The following INPP4B variants were observed in gnomAD, a reference collection of about 807,000 sequenced individuals.
The protein encoded by INPP4B is inositol polyphosphate-4-phosphatase type II B, also known as inositol polyphosphate 4-phosphatase type II.
In INPP4B, 55 loss-of-function variants were observed where a neutral mutation model predicts 122.5. The observed-to-expected ratio is 0.45, with a 90% CI of 0.36 to 0.56. The LOEUF is 0.56. Among genes scored for constraint, INPP4B ranks in the 20% least tolerant of loss-of-function variants. The probability of loss-of-function intolerance (pLI) is 0.00; values close to 1 mark genes in which losing one functional copy is unlikely to be tolerated. For synonymous variants in INPP4B, 403 were observed against 388.7 expected, an observed-to-expected ratio of 1.04 and a Z score of -0.43; for missense variants, 1,000 against 1,097.7, an observed-to-expected ratio of 0.91 and a Z score of 1.26.
chr4:142,383,840 T>C, intron 7 of INPP4B: 2 of 469,342 alleles, frequency 4.3e-6, no homozygotes, highest in South Asian at 9.0e-5. Context: ...ACTTTATTTA[T>C]GATGTTTTGT....
Position 142,265,542 on chromosome 4 carries a change from C to T in INPP4B, c.616-4978G>A, listed in dbSNP as rs77384079. Among the ~76,000 whole-genome samples the T allele has an allele frequency of 5.3e-3, 804 of 152,274 alleles. 8 individuals are homozygous for T. The highest frequency in any genetic ancestry group is 0.019 in the African/African-American group (770 of 41,552). ...GTGATTCTAACCACACTTTGAAAAA[C>T]GCTGAGATAAAGTTATTTACACAAT... On this transcript the variant is annotated intron_variant, in intron 10 of 25. Coordinates refer to ENST00000262992, the MANE Select transcript of INPP4B (RefSeq NM_001101669.3).
intron 7 of INPP4B, among the ~76,000 whole-genome samples, chr4:142,384,509 A>G (rs868803910): frequency 6.6e-6 from 1 of 151,928 alleles, no homozygotes; most frequent in South Asian, 2.1e-4. Flanking sequence ...AAGTATTTGT[A>G]TATCTAAACA....
At chr4:142,631,151 T>C (rs1410010891) in intron 2 of INPP4B, among the ~76,000 whole-genome samples, 1 of 152,064 alleles carries the variant, frequency 6.6e-6, no homozygotes, top group Non-Finnish European at 1.5e-5. Flanking sequence ...TAATATGACC[T>C]CCAGATACCA....
At chr4:142,413,967 T>C (rs988177478) in intron 5 of INPP4B, among the ~76,000 whole-genome samples, 1 of 152,112 alleles carries the variant, frequency 6.6e-6, no homozygotes, top group East Asian at 1.9e-4. Flanking sequence ...TCTAATACCA[T>C]GGGGAGAAAA....
At chr4:142,692,848 G>C (rs1274503279) in intron 2 of INPP4B, among the ~76,000 whole-genome samples, 1 of 151,748 alleles carries the variant, frequency 6.6e-6, no homozygotes. Context: ...AGAGGTTTGA[G>C]AGGATTTTTT....
chr4:142,180,256 T>G (rs2152974248), intron 15 of INPP4B, among the ~76,000 whole-genome samples: 1 of 152,212 alleles, frequency 6.6e-6, no homozygotes, highest in South Asian at 2.1e-4. Context: ...TAAATTTCTT[T>G]TAGAAAAAAC....
At chr4:142,353,001 G>C (rs1434172766) in intron 7 of INPP4B, among the ~76,000 whole-genome samples, 2 of 151,830 alleles carry the variant, frequency 1.3e-5, no homozygotes, top group South Asian at 2.1e-4. Flanking sequence ...CTTGACTTTA[G>C]AGATTATCTG....
chr4:142,299,169 T>TG (rs71250020), intron 9 of INPP4B, among the ~76,000 whole-genome samples: 3 of 145,716 alleles, frequency 2.1e-5, no homozygotes, highest in Non-Finnish European at 4.5e-5. Flanking sequence ...TTTTTTTTTT[T>TG]GGGGGGGAGA....
chr4:142,427,838 G>C (rs1808438065), intron 5 of INPP4B, among the ~76,000 whole-genome samples: 1 of 151,958 alleles, frequency 6.6e-6, no homozygotes, highest in Non-Finnish European at 1.5e-5. Context: ...AGCTCAAGTT[G>C]TACGAGTGAA....
Position 142,431,153 on chromosome 4 carries a change from A to T in INPP4B, c.91+16T>A. The T allele has an allele frequency of 6.3e-7, 1 of 1,596,686 alleles. No individual in the cohort carries two copies. The highest frequency in any genetic ancestry group is 1.3e-5 in the African/African-American group (1 of 74,620). ...TCTTTAGATGCAAAAACAGGGAGGG[A>T]TACACACATACTTACTTGTGAACTG... On this transcript the variant is annotated intron_variant, in intron 4 of 25. Transcript: ENST00000262992.
chr4:142,633,025 A>G (rs753753303), intron 2 of INPP4B, among the ~76,000 whole-genome samples: 3 of 151,970 alleles, frequency 2.0e-5, no homozygotes, highest in Non-Finnish European at 4.4e-5. Context: ...CTATATGGAC[A>G]AAGAAAAGTT....
intron 25 of INPP4B, 139 bp from the exon 26 acceptor site, chr4:142,029,053 A>T: frequency 7.1e-7 from 1 of 1,409,956 alleles, no homozygotes; most frequent in Non-Finnish European, 9.2e-7. Context: ...TCCACAAGTG[A>T]TGATACATCT....
At chr4:142,109,465 A>T (rs79910216) in intron 22 of INPP4B, among the ~76,000 whole-genome samples, 1 of 152,156 alleles carries the variant, frequency 6.6e-6, no homozygotes, top group Non-Finnish European at 1.5e-5. Context: ...GATGTCTTAT[A>T]GTCTCCCTAG....
chr4:142,305,729 G>A (rs758267543), intron 8 of INPP4B, 192 bp from the exon 9 acceptor site: 1 of 1,412,334 alleles, frequency 7.1e-7, no homozygotes, highest in Non-Finnish European at 9.3e-7. Flanking sequence ...GGGTGAAAAT[G>A]TATCATTTTC....
At chr4:142,323,987 T>C (rs1771340564) in intron 7 of INPP4B, among the ~76,000 whole-genome samples, 1 of 152,146 alleles carries the variant, frequency 6.6e-6, no homozygotes, top group African/African-American at 2.4e-5. Flanking sequence ...TACTCCCAAG[T>C]AGCTCAGAAC....
chr4:142,339,003 ACCTGC>A (rs1318000737), intron 7 of INPP4B, among the ~76,000 whole-genome samples: 1 of 152,060 alleles, frequency 6.6e-6, no homozygotes, highest in African/African-American at 2.4e-5. Flanking sequence ...GTCGGAACAT[ACCTGC>A]CCTTTGCTGT....
chr4:142,521,654 G>A (rs1298296107), intron 2 of INPP4B, among the ~76,000 whole-genome samples: 1 of 151,912 alleles, frequency 6.6e-6, no homozygotes, highest in Non-Finnish European at 1.5e-5. Context: ...GAGATTACCA[G>A]TAGTCTGAAA....
chr4:142,601,773 T>A (rs1251189336), intron 2 of INPP4B, among the ~76,000 whole-genome samples: 1 of 151,596 alleles, frequency 6.6e-6, no homozygotes, highest in African/African-American at 2.4e-5. Flanking sequence ...ATCAAGACCA[T>A]CCTGGCTAAC....
intron 5 of INPP4B, among the ~76,000 whole-genome samples, chr4:142,409,430 T>C (rs1264736494): frequency 6.6e-6 from 1 of 151,854 alleles, no homozygotes; most frequent in Non-Finnish European, 1.5e-5. Context: ...GAAGCGGAGG[T>C]TGCAGTGAGC....
Sources: gnomAD v4.1 joint callset for allele counts (sites outside exome capture counted in the v4.1 genomes callset) on GRCh38, gnomAD v4.1.1 for gene constraint, MANE v1.5 for transcripts, NCBI Gene and HGNC (gene_info 2026-07-23, HGNC 2026-07-21) for gene names.